DLG2: variants seen among roughly 807,000 people sequenced by gnomAD.
DLG2 encodes discs large MAGUK scaffold protein 2.
In DLG2, 45 loss-of-function variants were observed where a neutral mutation model predicts 132.5. That is an observed-to-expected ratio of 0.34 (90% CI 0.27 to 0.44). DLG2 has a LOEUF of 0.44. Ranked by LOEUF, DLG2 falls within the 20% of genes least tolerant of loss-of-function variation. DLG2 has a pLI of 1.00. For missense variants in DLG2, 1,045 were observed against 1,196.9 expected, an observed-to-expected ratio of 0.87 and a Z score of 1.87; for synonymous variants, 424 against 419.6, an observed-to-expected ratio of 1.01 and a Z score of -0.13.
chr11:84,026,583 T>G (rs951288047), intron 11 of DLG2, among the ~76,000 whole-genome samples: 3 of 145,392 alleles, frequency 2.1e-5, no homozygotes, highest in Admixed American at 7.0e-5. Flanking sequence ...ATGTTCTGTT[T>G]AATCACCTTT....
At position 83,458,059 on chromosome 11, in the gene DLG2, T is replaced by C. The variant is rs1402198773; in HGVS notation, c.*1759A>G. On this transcript the variant is annotated 3_prime_UTR_variant, in exon 28 of 28. Coordinates refer to ENST00000376104, the MANE Select transcript of DLG2 (RefSeq NM_001142699.3). ...AGAAGCCCCATCACTCTGATGGCTCTATCTCTTGCTCTCCTACCCAGCCTA... is the reference window on the plus strand; with the variant it reads ...AGAAGCCCCATCACTCTGATGGCTCCATCTCTTGCTCTCCTACCCAGCCTA... 6.5e-6 allele frequency: 1 copy of C among 152,672 alleles called. No individual in the cohort carries two copies. Among genetic ancestry groups the C allele is most frequent in the Non-Finnish European group, 1.5e-5 (1 of 68,054 alleles). The allele number at this position is 152,672 out of a possible 1,614,324, so 9.5% of individuals were successfully genotyped here.
chr11:83,681,489 C>T (rs1350462600), intron 18 of DLG2, among the ~76,000 whole-genome samples: 1 of 152,166 alleles, frequency 6.6e-6, no homozygotes, highest in Non-Finnish European at 1.5e-5. Context: ...GTCCGTCCTG[C>T]GGGTACGTCG....
At chr11:84,754,807 A>G (rs2066642898) in intron 6 of DLG2, among the ~76,000 whole-genome samples, 1 of 152,200 alleles carries the variant, frequency 6.6e-6, no homozygotes, top group East Asian at 1.9e-4. Context: ...ATGATGTGTC[A>G]AGGTAGATTA....
At chr11:84,096,683 T>G (rs2097169826) in intron 10 of DLG2, among the ~76,000 whole-genome samples, 3 of 152,138 alleles carry the variant, frequency 2.0e-5, no homozygotes, top group African/African-American at 7.2e-5. Context: ...ATTTCTAAAC[T>G]TTAAAAATAG....
At chr11:84,052,393 C>A (rs2096405978) in intron 11 of DLG2, among the ~76,000 whole-genome samples, 1 of 151,606 alleles carries the variant, frequency 6.6e-6, no homozygotes. Flanking sequence ...TTCATTAATT[C>A]AACAAATATT....
At chr11:84,429,315 A>C (rs1303067475) in intron 7 of DLG2, among the ~76,000 whole-genome samples, 4 of 152,174 alleles carry the variant, frequency 2.6e-5, no homozygotes, top group African/African-American at 9.7e-5. Flanking sequence ...TAGAATCAAA[A>C]AATGTTTGAG....
intron 8 of DLG2, 49 bp from the exon 9 acceptor site, chr11:84,163,560 G>A (rs780123103): frequency 4.8e-6 from 7 of 1,471,556 alleles, no homozygotes; most frequent in African/African-American, 2.8e-5. Flanking sequence ...ACATGTTGAG[G>A]AGGAGACAGC....
intron 3 of DLG2, among the ~76,000 whole-genome samples, chr11:85,537,589 T>C (rs1213680734): frequency 6.7e-6 from 1 of 149,482 alleles, no homozygotes; most frequent in African/African-American, 2.6e-5. Context: ...CTTTGTGAAC[T>C]GTAACACTCA....
At chr11:84,930,418 A>C (rs1031350064) in intron 6 of DLG2, among the ~76,000 whole-genome samples, 28 of 152,108 alleles carry the variant, frequency 1.8e-4, no homozygotes, top group African/African-American at 6.8e-4. Flanking sequence ...AGCTGGAAAA[A>C]AATTAATGAA....
chr11:84,321,066 A>T (rs1490765111), intron 7 of DLG2, among the ~76,000 whole-genome samples: 1 of 152,226 alleles, frequency 6.6e-6, no homozygotes, highest in South Asian at 2.1e-4. Context: ...GTGCTAAACT[A>T]TACTTCTACC....
rs139140127 is a variant in DLG2, at chr11:84,829,118, T to C, written c.357+282543A>G. Among the ~76,000 whole-genome samples the C allele has an allele frequency of 2.2e-3, 336 of 151,656 alleles. 1 individual carries two copies. The highest frequency in any genetic ancestry group is 3.7e-3 in the Non-Finnish European group (252 of 67,734). On this transcript the variant is annotated intron_variant, in intron 6 of 27. Transcript: ENST00000376104. ...GTAAAACATAATTAGACAAGAAAAA[T>C]AATGATATATAATCTTATGGTAGAT...
rs891842456 is a variant in DLG2, at chr11:84,895,449, T to G, written c.357+216212A>C. Among the ~76,000 whole-genome samples the G allele has an allele frequency of 5.1e-4, 77 of 152,224 alleles. 2 individuals are homozygous for G. Among genetic ancestry groups the G allele is most frequent in the African/African-American group, 1.6e-3 (68 of 41,544 alleles). The stretch of plus-strand genomic sequence containing the variant: ...CAAGAATCAAATAAGGTCATAAAAA[T>G]ATTTCTTCCATGGGTTCTGATAAAG... On this transcript the variant is annotated intron_variant, in intron 6 of 27. Transcript: ENST00000376104.
Position 83,729,927 on chromosome 11 carries a change from A to T in DLG2, c.1825+56763T>A, listed in dbSNP as rs1036089781. On this transcript the variant is annotated intron_variant, in intron 18 of 27. Transcript: ENST00000376104. ...ATGATACTTTATACACAATAACGTC[A>T]GATCAGAAACCAAGTCACTTGTATC... Among the ~76,000 whole-genome samples the T allele has an allele frequency of 1.2e-4, 18 of 152,220 alleles. No homozygotes were observed. The East Asian group carries it at 3.5e-3, about 29-fold the overall frequency.
At chr11:85,483,478 G>T (rs2093347343) in intron 3 of DLG2, among the ~76,000 whole-genome samples, 1 of 152,108 alleles carries the variant, frequency 6.6e-6, no homozygotes, top group South Asian at 2.1e-4. Flanking sequence ...GATGCTAGAG[G>T]GAGTATTCAA....
chr11:84,035,062 C>T (rs1028340700), intron 11 of DLG2, among the ~76,000 whole-genome samples: 7 of 152,088 alleles, frequency 4.6e-5, no homozygotes, highest in Non-Finnish European at 8.8e-5. Context: ...CTTCTGGTAA[C>T]AGAGAACTCA....
intron 7 of DLG2, among the ~76,000 whole-genome samples, chr11:84,298,639 C>T (rs1415662381): frequency 1.3e-5 from 2 of 152,188 alleles, no homozygotes; most frequent in East Asian, 1.9e-4. Context: ...AACTACAATG[C>T]TAAGTGTAAA....
intron 6 of DLG2, among the ~76,000 whole-genome samples, chr11:84,811,338 C>T (rs1442484148): frequency 6.6e-6 from 1 of 152,094 alleles, no homozygotes; most frequent in East Asian, 1.9e-4. Flanking sequence ...TCTTCCAATG[C>T]TAGCCCTGCT....
At chr11:84,518,643 G>A (rs1265894630) in intron 7 of DLG2, among the ~76,000 whole-genome samples, 2 of 152,054 alleles carry the variant, frequency 1.3e-5, no homozygotes, top group Non-Finnish European at 2.9e-5. Context: ...TCATTTATTT[G>A]ACAGAGGAAT....
At chr11:84,171,321 G>T (rs886623889) in intron 8 of DLG2, among the ~76,000 whole-genome samples, 77 of 152,146 alleles carry the variant, frequency 5.1e-4, no homozygotes, top group African/African-American at 1.8e-3. Context: ...TAGTGGTGAA[G>T]TCTGGGCTTT....
Sources: gnomAD v4.1 joint callset for allele counts (sites outside exome capture counted in the v4.1 genomes callset) on GRCh38, gnomAD v4.1.1 for gene constraint, MANE v1.5 for transcripts, NCBI Gene and HGNC (gene_info 2026-07-23, HGNC 2026-07-21) for gene names.